Variants in OFD1 observed in about 807,000 individuals in gnomAD.
OFD1 encodes centriole and centriolar satellite protein OFD1.
In OFD1, 12 loss-of-function variants were observed where a neutral mutation model predicts 81.4. That is an observed-to-expected ratio of 0.15 (90% CI 0.09 to 0.24). The LOEUF (loss-of-function observed/expected upper bound fraction) is 0.24, where lower values mean the gene tolerates loss of function less well. OFD1 is among the 10% of genes least tolerant of loss of function. The pLI is 1.00. For synonymous variants in OFD1, 256 were observed against 263.7 expected, an observed-to-expected ratio of 0.97 and a Z score of 0.28; for missense variants, 685 against 733.9, an observed-to-expected ratio of 0.93 and a Z score of 0.77.
the OFD1 span, among the ~76,000 whole-genome samples, chrX:13,717,994 T>G: frequency 1.8e-5 from 2 of 111,762 alleles, no homozygotes; most frequent in African/African-American, 6.5e-5. Context: ...ACATGAAGAC[T>G]GGAGTTATGC....
At chrX:13,748,916 C>T (rs1241179372) in intron 8 of OFD1, among the ~76,000 whole-genome samples, 1 of 110,103 alleles carries the variant, frequency 9.1e-6, no homozygotes, top group Non-Finnish European at 1.9e-5. Context: ...TCCAGAAGTT[C>T]GACACCAGCC....
the OFD1 span, chrX:13,716,428 T>C: frequency 1.0e-6 from 1 of 995,574 alleles, no homozygotes; most frequent in South Asian, 2.1e-5. Flanking sequence ...CATTTTCACC[T>C]GACTGTGAAG....
intron 2 of OFD1, among the ~76,000 whole-genome samples, chrX:13,735,826 A>T (rs774221522): frequency 8.9e-6 from 1 of 112,195 alleles, no homozygotes; most frequent in African/African-American, 3.2e-5. Flanking sequence ...GAAAATACCT[A>T]TTAGTATGCT....
chrX:13,721,527 A>T, the OFD1 span: 4 of 112,224 alleles, frequency 3.6e-5, no homozygotes, highest in African/African-American at 1.3e-4. Flanking sequence ...GTCTCCTAGA[A>T]CATACATCTG....
intron 5 of OFD1, among the ~76,000 whole-genome samples, chrX:13,742,071 C>T (rs980967158): frequency 3.6e-5 from 4 of 112,072 alleles, no homozygotes; most frequent in African/African-American, 1.3e-4. Flanking sequence ...ATTTGGACAT[C>T]GGCCCTTTGC....
intron 19 of OFD1, among the ~76,000 whole-genome samples, chrX:13,764,871 T>C (rs1350326018): frequency 9.0e-6 from 1 of 111,257 alleles, no homozygotes; most frequent in African/African-American, 3.3e-5. Flanking sequence ...CTCGCCTTCC[T>C]GGATTTCTAG....
the OFD1 span, among the ~76,000 whole-genome samples, chrX:13,725,465 G>A: frequency 8.9e-6 from 1 of 112,173 alleles, no homozygotes; most frequent in Non-Finnish European, 1.9e-5. Context: ...AGGCAAACGG[G>A]GTCTGGAGTG....
At chrX:13,737,574 A>T (rs2046921978) in intron 3 of OFD1, among the ~76,000 whole-genome samples, 1 of 109,909 alleles carries the variant, frequency 9.1e-6, no homozygotes, top group South Asian at 4.0e-4. Flanking sequence ...TATCACCCAG[A>T]GGCCATAGTT....
chrX:13,734,103 C>G (rs755373655), upstream of OFD1: 12 of 511,802 alleles, frequency 2.3e-5, no homozygotes, highest in African/African-American at 2.3e-4. Flanking sequence ...TGGATCTCAA[C>G]CCGGAGCGAT....
At chrX:13,733,950 C>A, upstream of OFD1, 1 of 505,953 alleles carries the variant, frequency 2.0e-6, no homozygotes, top group South Asian at 2.6e-5. Flanking sequence ...AGTTCTTGTT[C>A]AATTCTCTGG....
chrX:13,771,948 C>T (rs41311835), downstream of OFD1: 1 of 112,506 alleles, frequency 8.9e-6, no homozygotes, highest in African/African-American at 3.2e-5. Flanking sequence ...TGGTATGAAA[C>T]TGTAAACTTC....
At chrX:13,726,127 G>A in the OFD1 span, among the ~76,000 whole-genome samples, 1,483 of 112,260 alleles carry the variant, frequency 0.013, 24 homozygotes, top group African/African-American at 0.045. Context: ...CCAAATCTAC[G>A]TTTGACTGGT....
intron 3 of OFD1, among the ~76,000 whole-genome samples, chrX:13,736,893 A>G (rs765979124): frequency 8.9e-6 from 1 of 112,643 alleles, no homozygotes; most frequent in East Asian, 2.8e-4. Flanking sequence ...AGTCTCACAT[A>G]AAACAGTGAT....
At chrX:13,722,683 C>T in the OFD1 span, among the ~76,000 whole-genome samples, 3 of 111,693 alleles carry the variant, frequency 2.7e-5, no homozygotes, top group Non-Finnish European at 5.6e-5. Context: ...TAGGATTCTG[C>T]GCTGTCCAAT....
At position 13,739,042 on chromosome X, in the gene OFD1, G is replaced by C. The variant is rs201837087; in HGVS notation, c.412+10G>C. The C allele has an allele frequency of 3.3e-6, 4 of 1,197,876 alleles. No individual in the cohort carries two copies. Among genetic ancestry groups the C allele is most frequent in the Middle Eastern group, 2.4e-4 (1 of 4,116 alleles). ...AAAGAAAATCAAAAAGGTAGGAGCC[G>C]TCATCTTTGTAGAGAACAGCAACAG... is the stretch of plus-strand genomic sequence containing the variant. On this transcript the variant is annotated intron_variant, in intron 5 of 22. Coordinates refer to ENST00000340096, the MANE Select transcript of OFD1 (RefSeq NM_003611.3).
intron 3 of OFD1, among the ~76,000 whole-genome samples, chrX:13,738,230 A>G (rs765572519): frequency 2.7e-5 from 3 of 112,610 alleles, no homozygotes; most frequent in Non-Finnish European, 3.8e-5. Flanking sequence ...CAATAATACA[A>G]TTATATAGCA....
At chrX:13,760,080 A>G (rs781591913) in intron 15 of OFD1, 35 bp from the exon 16 acceptor site, 2 of 1,208,200 alleles carry the variant, frequency 1.7e-6, no homozygotes, top group East Asian at 5.9e-5. Context: ...TGCCTTGTCC[A>G]CTTACTTCTG....
chrX:13,772,878 C>T, downstream of OFD1: 2 of 1,209,566 alleles, frequency 1.7e-6, no homozygotes, highest in South Asian at 3.5e-5. Flanking sequence ...CTCTGGCAAA[C>T]ATTTATGTGT....
intron 10 of OFD1, chrX:13,752,924 T>C (rs1006089489): frequency 2.2e-6 from 2 of 917,867 alleles, no homozygotes; most frequent in South Asian, 4.8e-5. Context: ...CTCTCAGGAC[T>C]GTGCTTAGTC....
Sources: allele counts gnomAD v4.1 joint callset (sites outside exome capture counted in the v4.1 genomes callset), GRCh38; gene constraint gnomAD v4.1.1; transcripts MANE v1.5; gene names NCBI Gene and HGNC (gene_info 2026-07-23, HGNC 2026-07-21).